Variants in ADAMTSL1 observed in about 807,000 individuals in gnomAD.
ADAMTSL1 encodes ADAMTS-like protein 1.
A neutral mutation model predicts 201.8 loss-of-function variants in ADAMTSL1; 126 were observed. That is an observed-to-expected ratio of 0.62 (90% confidence interval 0.54 to 0.72). ADAMTSL1 has a LOEUF of 0.72. Among genes scored for constraint, ADAMTSL1 ranks in the 30% least tolerant of loss-of-function variants. ADAMTSL1 has a pLI of 0.00. For missense variants in ADAMTSL1, 2,679 were observed against 2,277.8 expected (o/e 1.18, Z -3.59); for synonymous variants, 1,121 against 903.4 (o/e 1.24, Z -4.32).
intron 1 of ADAMTSL1, among the ~76,000 whole-genome samples, chr9:18,484,866 A>T (rs1396973334): frequency 6.6e-6 from 1 of 152,202 alleles, no homozygotes. Flanking sequence ...TCAGAAAAAA[A>T]ATAAGGCTGG....
intron 4 of ADAMTSL1, among the ~76,000 whole-genome samples, chr9:18,612,914 C>A (rs1167767565): frequency 6.6e-6 from 1 of 152,150 alleles, no homozygotes; most frequent in Non-Finnish European, 1.5e-5. Flanking sequence ...AAACTATCAT[C>A]AGAGTGAACA....
chr9:18,711,298 A>G (rs907728574), intron 14 of ADAMTSL1, among the ~76,000 whole-genome samples: 8 of 152,234 alleles, frequency 5.3e-5, no homozygotes, highest in Non-Finnish European at 1.2e-4. Flanking sequence ...TGAGCTACGC[A>G]GAAGACGGGT....
At chr9:18,439,982 A>G (rs1291978999) in intron 2 of ADAMTSL1, among the ~76,000 whole-genome samples, 1 of 152,210 alleles carries the variant, frequency 6.6e-6, no homozygotes, top group Non-Finnish European at 1.5e-5. Flanking sequence ...TACTATGTGT[A>G]TTCAATTTTA....
At chr9:18,629,369 G>A (rs1440516045) in intron 5 of ADAMTSL1, among the ~76,000 whole-genome samples, 1 of 152,148 alleles carries the variant, frequency 6.6e-6, no homozygotes, top group East Asian at 1.9e-4. Context: ...TGAGTATGAT[G>A]TTAGCTGTAG....
chr9:18,484,559 T>C (rs1821891353), intron 1 of ADAMTSL1, among the ~76,000 whole-genome samples: 1 of 152,212 alleles, frequency 6.6e-6, no homozygotes, highest in Non-Finnish European at 1.5e-5. Context: ...TAAACACCTG[T>C]CTTTTCAATC....
chr9:18,215,912 T>C (rs549378450), intron 2 of ADAMTSL1, among the ~76,000 whole-genome samples: 9 of 152,322 alleles, frequency 5.9e-5, no homozygotes, highest in African/African-American at 2.2e-4. Flanking sequence ...GTTGGAATTT[T>C]GGGTTGTCTT....
At chr9:18,770,344 T>G (rs1350578460) in intron 16 of ADAMTSL1, among the ~76,000 whole-genome samples, 1 of 152,150 alleles carries the variant, frequency 6.6e-6, no homozygotes, top group Non-Finnish European at 1.5e-5. Flanking sequence ...CAGGAGCAAC[T>G]TTCTAAGATT....
At chr9:18,654,437 G>T (rs35899945) in intron 7 of ADAMTSL1, among the ~76,000 whole-genome samples, 17,922 of 152,188 alleles carry the variant, frequency 0.12, 1,326 homozygotes, top group Non-Finnish European at 0.16. Context: ...ATTCAATTGT[G>T]TGTTCATTCA....
intron 1 of ADAMTSL1, among the ~76,000 whole-genome samples, chr9:18,488,886 G>T (rs983279407): frequency 6.6e-6 from 1 of 152,064 alleles, no homozygotes; most frequent in African/African-American, 2.4e-5. Context: ...GAATTTGTGG[G>T]GTCTGGAGCA....
intron 1 of ADAMTSL1, among the ~76,000 whole-genome samples, chr9:17,951,580 A>C (rs1428576769): frequency 6.7e-6 from 1 of 150,258 alleles, no homozygotes; most frequent in South Asian, 2.1e-4. Context: ...GGTTTCTTGC[A>C]TATTCTGTTT....
chr9:18,812,967 C>CTTT (rs35159482), intron 20 of ADAMTSL1, among the ~76,000 whole-genome samples: 33 of 118,616 alleles, frequency 2.8e-4, no homozygotes, highest in African/African-American at 1.0e-3. Flanking sequence ...CAGCTATGTA[C>CTTT]TTTTTTTTTT....
At chr9:18,884,513 C>T (rs1231597683) in intron 23 of ADAMTSL1, among the ~76,000 whole-genome samples, 1 of 151,584 alleles carries the variant, frequency 6.6e-6, no homozygotes, top group African/African-American at 2.4e-5. Flanking sequence ...AAGTTTTCCC[C>T]TGCGATTTTT....
At chr9:18,320,654 C>T (rs1294501854) in intron 2 of ADAMTSL1, among the ~76,000 whole-genome samples, 1 of 152,086 alleles carries the variant, frequency 6.6e-6, no homozygotes, top group East Asian at 1.9e-4. Context: ...AAAATTCCAA[C>T]ATTACATTGT....
intron 1 of ADAMTSL1, among the ~76,000 whole-genome samples, chr9:17,995,834 G>T (rs548669590): frequency 6.6e-6 from 1 of 151,278 alleles, no homozygotes; most frequent in Admixed American, 6.6e-5. Flanking sequence ...GGAAATAGAG[G>T]ATCCAGGTTC....
At chr9:18,028,705 A>G (rs1298277789) in intron 1 of ADAMTSL1, among the ~76,000 whole-genome samples, 2 of 152,032 alleles carry the variant, frequency 1.3e-5, no homozygotes, top group African/African-American at 4.8e-5. Context: ...GATGCCTTCC[A>G]CTTTGTTCTT....
chr9:18,681,697 T>TGTGC, intron 11 of ADAMTSL1, 115 bp from the exon 12 acceptor site: 43 of 238,088 alleles, frequency 1.8e-4, no homozygotes, highest in Middle Eastern at 1.2e-3. Flanking sequence ...AGTCCTCGTG[T>TGTGC]GGGGGGGGGG....
intron 2 of ADAMTSL1, among the ~76,000 whole-genome samples, chr9:18,327,956 T>A (rs994460658): frequency 2.6e-5 from 4 of 152,184 alleles, no homozygotes; most frequent in Non-Finnish European, 4.4e-5. Flanking sequence ...TGTTTGTTTG[T>A]TTTTTCCTGT....
intron 1 of ADAMTSL1, among the ~76,000 whole-genome samples, chr9:18,496,423 T>C (rs1822538028): frequency 6.6e-6 from 1 of 152,220 alleles, no homozygotes; most frequent in African/African-American, 2.4e-5. Context: ...ATCATGAGTA[T>C]AGGAATAGAA....
At chr9:18,224,061 C>T (rs1354211069) in intron 2 of ADAMTSL1, among the ~76,000 whole-genome samples, 1 of 152,012 alleles carries the variant, frequency 6.6e-6, no homozygotes, top group Non-Finnish European at 1.5e-5. Context: ...AGAACCAAGC[C>T]AGAGCCTAGA....
Sources: allele counts gnomAD v4.1 joint callset (sites outside exome capture counted in the v4.1 genomes callset), GRCh38; gene constraint gnomAD v4.1.1; transcripts MANE v1.5; gene names NCBI Gene and HGNC (gene_info 2026-07-23, HGNC 2026-07-21).